Variants in MCUR1 observed in about 807,000 individuals in gnomAD.
MCUR1 encodes the protein MCU regulator 1.
In MCUR1, 37 loss-of-function variants were observed where a neutral mutation model predicts 42.0. The observed-to-expected ratio is 0.88, with a 90% CI of 0.68 to 1.16. The LOEUF (loss-of-function observed/expected upper bound fraction) is 1.16. MCUR1 is among the 50% of genes most tolerant of loss of function. The pLI is 0.00. For missense variants in MCUR1, 469 were observed against 468.4 expected (o/e 1.00, Z -0.01); for synonymous variants, 229 against 196.2 (o/e 1.17, Z -1.40).
chr6:13,807,057 G>C lies in MCUR1; in HGVS notation c.416-13C>G. 1 of 1,592,844 alleles carries C rather than the reference G, an allele frequency of 6.3e-7. No individual in the cohort carries two copies. Among genetic ancestry groups the C allele is most frequent in the East Asian group, 2.2e-5 (1 of 44,510 alleles). Reference sequence around the variant, plus strand: ...GACAAGCTTAGCTCTAGGGTGGAAAGGACAGTAAGCTCAAAACAGACTTCA... The same window carrying C: ...GACAAGCTTAGCTCTAGGGTGGAAACGACAGTAAGCTCAAAACAGACTTCA... On this transcript the variant is annotated splice_polypyrimidine_tract_variant and intron_variant, in intron 1 of 8. Coordinates refer to ENST00000379170, the MANE Select transcript of MCUR1 (RefSeq NM_001031713.4).
rs977364778 is a variant in MCUR1, at chr6:13,798,876, G to A, written c.812C>T (p.Thr271Ile). 4.3e-6 allele frequency: 7 copies of A among 1,610,388 alleles called. No homozygotes were observed. Among genetic ancestry groups the A allele is most frequent in the African/African-American group, 1.3e-5 (1 of 74,830 alleles). The change falls in exon 6 of 9, where the codon ACC (threonine) becomes ATC (isoleucine). Residue 271 changes from threonine to isoleucine, a missense_variant. Coordinates refer to ENST00000379170, the MANE Select transcript of MCUR1 (RefSeq NM_001031713.4). ...CTTTTCTAGGTTGAAGTCTAATTTG[G>A]TATCTGTTCGGACTTTGATCACTTC... ...MDEVIKVRTD[T>I]KLDFNLEKSR...
chr6:13,801,221 T>A, intron 4 of MCUR1, 67 bp downstream of exon 4: 1 of 1,033,740 alleles, frequency 9.7e-7, no homozygotes, highest in Non-Finnish European at 1.5e-6. Context: ...TGCTCTTTTA[T>A]GTGTATATAA....
At chr6:13,807,825 T>C (rs921758826) in intron 1 of MCUR1, among the ~76,000 whole-genome samples, 8 of 152,226 alleles carry the variant, frequency 5.3e-5, no homozygotes, top group Non-Finnish European at 1.0e-4. Context: ...AGTCATCCTA[T>C]TGGGCGTAAA....
intron 7 of MCUR1, among the ~76,000 whole-genome samples, 173 bp from the exon 8 acceptor site, chr6:13,792,165 C>A (rs1176326837): frequency 6.6e-6 from 1 of 152,160 alleles, no homozygotes; most frequent in African/African-American, 2.4e-5. Context: ...TGGTCAGGAC[C>A]CTTAACCTCT....
chr6:13,809,241 G>C (rs1229441864), intron 1 of MCUR1, among the ~76,000 whole-genome samples: 1 of 152,148 alleles, frequency 6.6e-6, no homozygotes, highest in Non-Finnish European at 1.5e-5. Context: ...AATGAACATG[G>C]ATGTCTTTCC....
chr6:13,814,471 C>A lies in MCUR1; in HGVS notation c.-42G>T. ...GGCCCGGGCGCGCGCTCATGCCTCT[C>A]GCTTTTGGCGCCGGCCACGCGCGGT... On this transcript the variant is annotated 5_prime_UTR_variant, in exon 1 of 9. Transcript: ENST00000379170. 7 of 1,438,080 alleles carry A rather than the reference C, an allele frequency of 4.9e-6. No homozygotes were observed. Among genetic ancestry groups the A allele is most frequent in the South Asian group, 4.2e-5 (3 of 70,786 alleles). 89.1% of individuals were successfully genotyped at this position (1,438,080 alleles called of 1,614,324 possible). A position where few individuals can be genotyped will look rare whatever the true frequency, so the allele number is the denominator to read the frequency against.
intron 6 of MCUR1, among the ~76,000 whole-genome samples, chr6:13,796,100 A>G (rs1158045343): frequency 1.3e-5 from 2 of 152,196 alleles, no homozygotes; most frequent in Non-Finnish European, 2.9e-5. Context: ...CATATTTATC[A>G]GCATATTTAA....
In MCUR1 at chr6:13,787,494, T is replaced by A. The variant is rs1584979820; in HGVS notation, c.*3315A>T. ...CGTACACACAAGCAGGTTTTGCTTA[T>A]TAATGTAGCAGGAGAGCATGGAAAT... On this transcript the variant is annotated 3_prime_UTR_variant, in exon 9 of 9. Coordinates refer to ENST00000379170, the MANE Select transcript of MCUR1 (RefSeq NM_001031713.4). The A allele has an allele frequency of 6.6e-6, 1 of 152,176 alleles. No homozygotes were observed. The highest frequency in any genetic ancestry group is 2.4e-5 in the African/African-American group (1 of 41,428). 9.4% of individuals were successfully genotyped at this position (152,176 alleles called of 1,614,324 possible).
In MCUR1 at chr6:13,788,299, A is replaced by G. The variant is rs1226504403; in HGVS notation, c.*2510T>C. 1 of 152,226 alleles carries G rather than the reference A, an allele frequency of 6.6e-6. No homozygotes were observed. Among genetic ancestry groups the G allele is most frequent in the Admixed American group, 6.5e-5 (1 of 15,284 alleles). The allele number at this position is 152,226 out of a possible 1,614,324, so 9.4% of individuals were successfully genotyped here. A position where few individuals can be genotyped will look rare whatever the true frequency, so the allele number is the denominator to read the frequency against. On this transcript the variant is annotated 3_prime_UTR_variant, in exon 9 of 9. Coordinates refer to ENST00000379170, the MANE Select transcript of MCUR1 (RefSeq NM_001031713.4). ...TCAAATAAAATACATCTGACCAAAT[A>G]AAGTGAACACAGTCCTGAGCCCTCC...
chr6:13,804,006 AAG>A (rs1760050723), intron 2 of MCUR1: 5 of 972,704 alleles, frequency 5.1e-6, no homozygotes, highest in Non-Finnish European at 6.1e-6. Flanking sequence ...TAATTAAAAA[AAG>A]AGTTCATGTT....
chr6:13,802,354 A>G lies in MCUR1; in HGVS notation c.536-8T>C. ...CTTGTTGAGTAGCAAACCCTAAGCA[A>G]GCACACAAGCAAAAAAAATCATGCT... is the stretch of plus-strand genomic sequence containing the variant. On this transcript the variant is annotated splice_region_variant and splice_polypyrimidine_tract_variant and intron_variant, in intron 2 of 8. Coordinates refer to ENST00000379170, the MANE Select transcript of MCUR1 (RefSeq NM_001031713.4). The G allele has an allele frequency of 6.2e-7, 1 of 1,609,226 alleles. No individual in the cohort carries two copies. The highest frequency in any genetic ancestry group is 1.3e-5 in the African/African-American group (1 of 74,926).
chr6:13,802,773 T>C (rs1370537749), intron 2 of MCUR1, among the ~76,000 whole-genome samples: 1 of 152,258 alleles, frequency 6.6e-6, no homozygotes, highest in African/African-American at 2.4e-5. Context: ...TTTTCTACGG[T>C]GGACAATATT....
At chr6:13,796,917 A>C (rs1001842408) in intron 6 of MCUR1, among the ~76,000 whole-genome samples, 1 of 152,212 alleles carries the variant, frequency 6.6e-6, no homozygotes, top group Non-Finnish European at 1.5e-5. Flanking sequence ...ATAAAGATAA[A>C]GGTAACCAAA....
intron 2 of MCUR1, among the ~76,000 whole-genome samples, chr6:13,804,635 G>A (rs1199998735): frequency 2.0e-5 from 3 of 151,758 alleles, no homozygotes; most frequent in Admixed American, 6.6e-5. Flanking sequence ...TTAGCCAGGC[G>A]TTGTGGCAGG....
Position 13,814,393 on chromosome 6 carries a change from G to A in MCUR1, c.37C>T (p.Arg13Cys). ...AGAAGCCGCTGGCGGCCGGGCAGGCGCTGGGTCCTCTGGCCGCCGACCGAG... is the reference window on the plus strand; with the variant it reads ...AGAAGCCGCTGGCGGCCGGGCAGGCACTGGGTCCTCTGGCCGCCGACCGAG... ...CGSVGGQRTQ[R>C]LPGRQRLLFL... The change falls in exon 1 of 9, where the codon CGC becomes TGC. Residue 13 changes from arginine (R) to cysteine (C), a missense_variant. By Grantham distance (180) the Arg-to-Cys change is radical. Coordinates refer to ENST00000379170, the MANE Select transcript of MCUR1 (RefSeq NM_001031713.4). 6.5e-7 allele frequency: 1 copy of A among 1,535,776 alleles called. No homozygotes were observed. The highest frequency in any genetic ancestry group is 8.7e-7 in the Non-Finnish European group (1 of 1,151,666).
chr6:13,791,869 ATAG>A lies in MCUR1; in HGVS notation c.1024+6_1024+8del. ...TCAGGTTGATTTAAATAGATACAAAATAGCTTACCTGCTAAATATTTAATATTA... is the reference window on the plus strand; with the variant it reads ...TCAGGTTGATTTAAATAGATACAAAACTTACCTGCTAAATATTTAATATTA... On this transcript the variant is annotated splice_donor_region_variant and intron_variant, in intron 8 of 8. Transcript: ENST00000379170. The A allele has an allele frequency of 6.3e-7, 1 of 1,589,472 alleles. No individual in the cohort carries two copies. Among genetic ancestry groups the A allele is most frequent in the East Asian group, 2.2e-5 (1 of 44,554 alleles).
At chr6:13,801,233 T>G (rs1759980576) in intron 4 of MCUR1, 55 bp downstream of exon 4, 1 of 1,183,168 alleles carries the variant, frequency 8.5e-7, no homozygotes, top group Non-Finnish European at 1.2e-6. Context: ...TGTATATAAT[T>G]TATCTCAATG....
chr6:13,805,032 T>C (rs1760087352), intron 2 of MCUR1, among the ~76,000 whole-genome samples: 1 of 152,160 alleles, frequency 6.6e-6, no homozygotes, highest in African/African-American at 2.4e-5. Context: ...TCATCCATGT[T>C]GGATTGAACA....
chr6:13,809,544 T>C (rs1368201282), intron 1 of MCUR1, among the ~76,000 whole-genome samples: 1 of 151,600 alleles, frequency 6.6e-6, no homozygotes, highest in Non-Finnish European at 1.5e-5. Flanking sequence ...CTGAGGGAGG[T>C]GGTATAGTAT....
Sources: allele counts gnomAD v4.1 joint callset (sites outside exome capture counted in the v4.1 genomes callset), GRCh38; gene constraint gnomAD v4.1.1; transcripts MANE v1.5; gene names NCBI Gene and HGNC (gene_info 2026-07-23, HGNC 2026-07-21).